Variants in PRKCI observed in about 807,000 individuals in gnomAD.
PRKCI encodes the protein protein kinase C iota.
PRKCI carries 43 observed loss-of-function variants against 84.0 expected under a neutral mutation model. That is an observed-to-expected ratio of 0.51 (90% CI 0.40 to 0.66). The LOEUF (loss-of-function observed/expected upper bound fraction) is 0.66, where lower values mean the gene tolerates loss of function less well. PRKCI is among the 30% of genes least tolerant of loss of function. The pLI is 0.00. For missense variants in PRKCI, 459 were observed against 745.6 expected (o/e 0.62, Z 4.48); for synonymous variants, 216 against 234.4 (o/e 0.92, Z 0.72).
intron 1 of PRKCI, among the ~76,000 whole-genome samples, chr3:170,231,190 A>T (rs528902967): frequency 6.6e-6 from 1 of 151,840 alleles, no homozygotes; most frequent in Non-Finnish European, 1.5e-5. Flanking sequence ...GGAACTCCTT[A>T]CCTCAGGTGA....
intron 9 of PRKCI, 46 bp downstream of exon 9, chr3:170,280,449 A>G (rs761432560): frequency 6.1e-6 from 9 of 1,469,126 alleles, no homozygotes; most frequent in Middle Eastern, 1.9e-4. Context: ...TGAGAATACT[A>G]TTCTTTTTTT....
intron 3 of PRKCI, among the ~76,000 whole-genome samples, chr3:170,260,345 G>A (rs115069779): frequency 5.1e-4 from 77 of 152,232 alleles, no homozygotes; most frequent in African/African-American, 1.8e-3. Context: ...AAAATTGAGA[G>A]CCTGGGGAAT....
intron 17 of PRKCI, among the ~76,000 whole-genome samples, chr3:170,300,966 C>G (rs1194738252): frequency 6.6e-6 from 1 of 152,134 alleles, no homozygotes; most frequent in South Asian, 2.1e-4. Flanking sequence ...TCATGACAGC[C>G]TTCTTTTTGC....
chr3:170,268,071 T>C, intron 5 of PRKCI, 71 bp downstream of exon 5: 2 of 1,246,100 alleles, frequency 1.6e-6, no homozygotes, highest in Non-Finnish European at 2.3e-6. Context: ...GAAAGAAAGG[T>C]AGTTTGTTAT....
intron 2 of PRKCI, among the ~76,000 whole-genome samples, chr3:170,239,425 A>G (rs1733062673): frequency 1.3e-5 from 2 of 152,178 alleles, no homozygotes; most frequent in African/African-American, 4.8e-5. Context: ...GAATATTCTT[A>G]TTTTAATCCT....
intron 10 of PRKCI, 165 bp downstream of exon 10, chr3:170,281,428 T>G (rs71277158): frequency 0.14 from 80,056 of 591,616 alleles, 6,234 homozygotes; most frequent in Middle Eastern, 0.21. Context: ...GATATCAGTT[T>G]GATATTAGAT....
intron 1 of PRKCI, among the ~76,000 whole-genome samples, chr3:170,231,035 C>A (rs1732779123): frequency 6.7e-6 from 1 of 149,700 alleles, no homozygotes; most frequent in Non-Finnish European, 1.5e-5. Flanking sequence ...TCTTGGCTCA[C>A]TGCAACCTCC....
chr3:170,283,600 A>T (rs902815593), intron 11 of PRKCI, among the ~76,000 whole-genome samples: 1 of 152,208 alleles, frequency 6.6e-6, no homozygotes, highest in African/African-American at 2.4e-5. Flanking sequence ...TGATATTTTG[A>T]ATTGTGAACA....
intron 2 of PRKCI, among the ~76,000 whole-genome samples, chr3:170,236,670 T>A (rs766897358): frequency 5.3e-5 from 8 of 151,864 alleles, no homozygotes; most frequent in Non-Finnish European, 1.2e-4. Flanking sequence ...GAGAACAGCC[T>A]GGGCAACATT....
chr3:170,239,677 A>G (rs1179848135), intron 2 of PRKCI, among the ~76,000 whole-genome samples: 1 of 151,552 alleles, frequency 6.6e-6, no homozygotes, highest in African/African-American at 2.4e-5. Context: ...GTCCTCCAAG[A>G]AGCCTTCCTA....
At chr3:170,285,361 G>C (rs539004155) in intron 12 of PRKCI, among the ~76,000 whole-genome samples, 37 of 152,268 alleles carry the variant, frequency 2.4e-4, no homozygotes, top group African/African-American at 8.9e-4. Context: ...TTACAGGCGT[G>C]AGCCATCGCG....
At chr3:170,241,686 A>G (rs1266071746) in intron 2 of PRKCI, among the ~76,000 whole-genome samples, 1 of 150,270 alleles carries the variant, frequency 6.7e-6, no homozygotes, top group Non-Finnish European at 1.5e-5. Context: ...ACAGAGAGAG[A>G]GAGAGAAAAG....
chr3:170,273,225 G>A (rs1734039648), intron 6 of PRKCI, 61 bp from the exon 7 acceptor site: 2 of 1,327,612 alleles, frequency 1.5e-6, no homozygotes, highest in Non-Finnish European at 2.2e-6. Context: ...TTGAAATAGT[G>A]TTATTTCTGG....
intron 7 of PRKCI, 113 bp downstream of exon 7, chr3:170,273,453 G>A: frequency 1.0e-6 from 1 of 995,582 alleles, no homozygotes; most frequent in Non-Finnish European, 1.5e-6. Flanking sequence ...CCAATTAAAA[G>A]TAAATACATA....
intron 2 of PRKCI, among the ~76,000 whole-genome samples, chr3:170,254,663 C>G (rs1733538842): frequency 1.3e-5 from 2 of 152,098 alleles, no homozygotes; most frequent in African/African-American, 4.8e-5. Context: ...TGGGTTCTCT[C>G]TTCTGTTCCA....
Position 170,270,521 on chromosome 3 carries a change from A to G in PRKCI, c.551A>G (p.Lys184Arg). 1 of 1,613,566 alleles carries G rather than the reference A, an allele frequency of 6.2e-7. No homozygotes were observed. The highest frequency in any genetic ancestry group is 8.5e-7 in the Non-Finnish European group (1 of 1,179,826). Reference protein sequence around the residue: ...CKLLVHKKCHKLVTIECGRHS... With the variant: ...CKLLVHKKCHRLVTIECGRHS... ...CTCTTGGTTCATAAGAAGTGCCATAAACTCGTCACAATTGAATGTGGGCGG... is the reference window on the plus strand; with the variant it reads ...CTCTTGGTTCATAAGAAGTGCCATAGACTCGTCACAATTGAATGTGGGCGG... Residue 184 changes from lysine (K) to arginine (R), a missense_variant, in exon 6 of 18, where the codon AAA becomes AGA. Around this residue, in one of 2 missense-constraint regions of PRKCI, gnomAD observed 250 missense variants for 319.7 expected, o/e 0.78. Transcript: ENST00000295797.
chr3:170,222,777 G>A lies in PRKCI; in HGVS notation c.101+7G>A. On this transcript the variant is annotated splice_region_variant and intron_variant, in intron 1 of 17. Transcript: ENST00000295797. ...TGAAAGCCTACTACCGCGGGTGAGT[G>A]TCCTGGGACAGGGCGGTGGGCGGGA... The A allele has an allele frequency of 6.2e-7, 1 of 1,605,868 alleles. No homozygotes were observed. Among genetic ancestry groups the A allele is most frequent in the Non-Finnish European group, 8.5e-7 (1 of 1,176,754 alleles).
intron 8 of PRKCI, 94 bp downstream of exon 8, chr3:170,275,381 A>T: frequency 8.6e-7 from 1 of 1,165,026 alleles, no homozygotes; most frequent in Non-Finnish European, 1.2e-6. Flanking sequence ...CTTAGACTTT[A>T]GATCATAATG....
intron 3 of PRKCI, among the ~76,000 whole-genome samples, chr3:170,262,125 A>C (rs1274500981): frequency 6.6e-6 from 1 of 152,246 alleles, no homozygotes; most frequent in Non-Finnish European, 1.5e-5. Flanking sequence ...CTAGATATTC[A>C]TAAATACATT....
Sources: allele counts gnomAD v4.1 joint callset (sites outside exome capture counted in the v4.1 genomes callset), GRCh38; gene constraint gnomAD v4.1.1; regional missense constraint gnomAD v4.1.1; transcripts MANE v1.5; gene names NCBI Gene and HGNC (gene_info 2026-07-23, HGNC 2026-07-21).